The following PRR5 variants were observed in gnomAD, a reference collection of about 807,000 sequenced individuals.
PRR5 encodes the protein proline rich 5, also known as proline-rich protein 5.
A neutral mutation model predicts 30.6 loss-of-function variants in PRR5; 25 were observed. That is an observed-to-expected ratio of 0.82 (90% CI 0.60 to 1.14). The LOEUF is 1.14. Among genes scored for constraint, PRR5 ranks in the 50% most tolerant of loss-of-function variants. PRR5 has a pLI of 0.00. For missense variants in PRR5, 600 were observed against 547.1 expected, an observed-to-expected ratio of 1.10 and a Z score of -0.96; for synonymous variants, 286 against 247.1, an observed-to-expected ratio of 1.16 and a Z score of -1.48.
chr22:44,732,720 C>A (rs1449450019), intron 6 of PRR5, among the ~76,000 whole-genome samples: 1 of 151,522 alleles, frequency 6.6e-6, no homozygotes, highest in Non-Finnish European at 1.5e-5. Flanking sequence ...ATAGTATGCA[C>A]GTGCACATGC....
chr22:44,732,246 C>T lies in PRR5; in HGVS notation c.415-5C>T. 1 of 1,610,826 alleles carries T rather than the reference C, an allele frequency of 6.2e-7. No individual in the cohort carries two copies. The highest frequency in any genetic ancestry group is 8.5e-7 in the Non-Finnish European group (1 of 1,179,504). Reference sequence around the variant, plus strand: ...CCGGTGGGGTGGGGTGCCTTCCGTCCACAGGGCAAGGAGCCATCGGTGCGC... The same window carrying T: ...CCGGTGGGGTGGGGTGCCTTCCGTCTACAGGGCAAGGAGCCATCGGTGCGC... On this transcript the variant is annotated splice_polypyrimidine_tract_variant and splice_region_variant and intron_variant, in intron 5 of 7. Coordinates refer to ENST00000336985, the MANE Select transcript of PRR5 (RefSeq NM_181333.4).
intron 1 of PRR5, among the ~76,000 whole-genome samples, chr22:44,678,912 A>C (rs1051059092): frequency 2.6e-5 from 4 of 152,210 alleles, no homozygotes; most frequent in Non-Finnish European, 5.9e-5. Flanking sequence ...CGAGTGAGCG[A>C]CAGACATCAG....
At chr22:44,732,844 GCACACA>G (rs132399) in intron 6 of PRR5, among the ~76,000 whole-genome samples, 1 of 123,096 alleles carries the variant, frequency 8.1e-6, no homozygotes, top group African/African-American at 4.1e-5. Context: ...CTACACACGT[GCACACA>G]CGTGCACACG....
At chr22:44,688,849 A>T (rs554393671) in intron 1 of PRR5, among the ~76,000 whole-genome samples, 1 of 151,850 alleles carries the variant, frequency 6.6e-6, no homozygotes, top group Non-Finnish European at 1.5e-5. Flanking sequence ...TTAGCCGGGC[A>T]TGGTGGTGCA....
At chr22:44,721,499 A>C (rs1325633899) in intron 2 of PRR5, among the ~76,000 whole-genome samples, 1 of 152,204 alleles carries the variant, frequency 6.6e-6, no homozygotes, top group Non-Finnish European at 1.5e-5. Context: ...GACTTGGCCC[A>C]ACCAATTGTG....
intron 1 of PRR5, among the ~76,000 whole-genome samples, chr22:44,670,429 CT>C (rs1923356471): frequency 6.6e-6 from 1 of 152,208 alleles, no homozygotes; most frequent in Admixed American, 6.5e-5. Context: ...AGTCACTTTG[CT>C]TCTCTGGTCC....
At position 44,731,712 on chromosome 22, in the gene PRR5, T is replaced by TG; in HGVS notation, c.323-16dup. The TG allele has an allele frequency of 6.2e-7, 1 of 1,613,248 alleles. No individual in the cohort carries two copies. The highest frequency in any genetic ancestry group is 8.5e-7 in the Non-Finnish European group (1 of 1,179,662). On this transcript the variant is annotated splice_polypyrimidine_tract_variant and intron_variant, in intron 4 of 7. Coordinates refer to ENST00000336985, the MANE Select transcript of PRR5 (RefSeq NM_181333.4). ...CCGCGCCAGTCAGGCCCAGTGGTGA[T>TG]GGCCCCCATGCCCACAGGACAGAAG...
chr22:44,715,057 A>G (rs1928851243), intron 2 of PRR5, among the ~76,000 whole-genome samples: 1 of 152,234 alleles, frequency 6.6e-6, no homozygotes, highest in African/African-American at 2.4e-5. Context: ...CACCTGCCTA[A>G]CGACGGGAGT....
intron 1 of PRR5, among the ~76,000 whole-genome samples, chr22:44,669,009 T>A (rs1923260520): frequency 6.6e-6 from 1 of 151,172 alleles, no homozygotes; most frequent in Admixed American, 6.6e-5. Context: ...TCGGACGGAA[T>A]CTGCGGGGCA....
chr22:44,698,271 G>C (rs1423489157), upstream of PRR5, among the ~76,000 whole-genome samples: 1 of 152,170 alleles, frequency 6.6e-6, no homozygotes, highest in Non-Finnish European at 1.5e-5. Context: ...CACCTTCCTG[G>C]AGCAGGGGCC....
intron 2 of PRR5, among the ~76,000 whole-genome samples, chr22:44,723,081 G>A (rs956789615): frequency 6.6e-6 from 1 of 151,650 alleles, no homozygotes; most frequent in Non-Finnish European, 1.5e-5. Flanking sequence ...CGCCTCCCGA[G>A]TTCAAGCAAT....
upstream of PRR5, among the ~76,000 whole-genome samples, chr22:44,701,423 G>A (rs1926273485): frequency 6.6e-6 from 1 of 152,236 alleles, no homozygotes; most frequent in Non-Finnish European, 1.5e-5. Context: ...CTGGAAAATG[G>A]GGAGAAGAAT....
intron 2 of PRR5, among the ~76,000 whole-genome samples, chr22:44,715,440 G>A (rs74370169): frequency 0.083 from 12,652 of 152,208 alleles, 692 homozygotes; most frequent in East Asian, 0.26. Context: ...ACTTTCATAC[G>A]CAGGCGCCCC....
At chr22:44,673,808 T>C (rs898106274), upstream of PRR5, among the ~76,000 whole-genome samples, 1 of 152,174 alleles carries the variant, frequency 6.6e-6, no homozygotes, top group African/African-American at 2.4e-5. Flanking sequence ...CCAGGAGATC[T>C]ACCTATGGCT....
At position 44,695,632 on chromosome 22, in the gene PRR5, C is replaced by T. The variant is rs190028111; in HGVS notation, c.-10-6860C>T. Among the ~76,000 whole-genome samples, 1,164 of 152,112 alleles carry T rather than the reference C, an allele frequency of 7.7e-3. 14 individuals carry two copies. Among genetic ancestry groups the T allele is most frequent in the African/African-American group, 0.026 (1,082 of 41,506 alleles). On this transcript the variant is annotated intron_variant, in intron 1 of 8. Coordinates refer to the PRR5 transcript ENST00000006251. The stretch of plus-strand genomic sequence containing the variant: ...TTTTGTTTTGAGACAGAGTTTTGCT[C>T]CTGCCACCCAGGCTGGAGTGCAATG...
chr22:44,672,089 G>A (rs1468713033), upstream of PRR5, among the ~76,000 whole-genome samples: 1 of 152,208 alleles, frequency 6.6e-6, no homozygotes, highest in East Asian at 1.9e-4. Flanking sequence ...GTTAATGTTG[G>A]GGTGGCCCTA....
chr22:44,702,179 TGGGCCCGCCCCC>T (rs1555898110), upstream of PRR5: 10 of 841,810 alleles, frequency 1.2e-5, no homozygotes, highest in Non-Finnish European at 1.1e-5. Context: ...GACCCGCCCC[TGGGCCCGCCCCC>T]GGGTCCGCCC....
At chr22:44,730,019 GC>G in intron 4 of PRR5, 1 of 985,434 alleles carries the variant, frequency 1.0e-6, no homozygotes, top group Non-Finnish European at 1.2e-6. Flanking sequence ...CCAGGTTTGG[GC>G]TACCCGGGTG....
At chr22:44,725,362 T>G in intron 3 of PRR5, 70 bp downstream of exon 3, 1 of 1,598,466 alleles carries the variant, frequency 6.3e-7, no homozygotes, top group Non-Finnish European at 8.5e-7. Flanking sequence ...GGGGCTCACC[T>G]GCCCCCGGGG....
Sources: allele counts gnomAD v4.1 joint callset (sites outside exome capture counted in the v4.1 genomes callset), GRCh38; gene constraint gnomAD v4.1.1; transcripts MANE v1.5; gene names NCBI Gene and HGNC (gene_info 2026-07-23, HGNC 2026-07-21).